Variants in PPP1R13B observed in about 807,000 individuals in gnomAD.
PPP1R13B encodes apoptosis-stimulating of p53 protein 1.
PPP1R13B carries 44 observed loss-of-function variants against 119.8 expected under a neutral mutation model. The ratio of observed to expected loss-of-function variants is 0.37; its 90% CI spans 0.29 to 0.47. PPP1R13B has a LOEUF of 0.47. Among genes scored for constraint, PPP1R13B ranks in the 20% least tolerant of loss-of-function variants. The pLI is 0.99. For synonymous variants in PPP1R13B, 542 were observed against 561.5 expected, an observed-to-expected ratio of 0.97 and a Z score of 0.49; for missense variants, 1,227 against 1,413.5, an observed-to-expected ratio of 0.87 and a Z score of 2.12.
chr14:103,786,070 T>TG (rs1313104448), intron 2 of PPP1R13B, among the ~76,000 whole-genome samples: 2 of 152,146 alleles, frequency 1.3e-5, no homozygotes, highest in African/African-American at 2.4e-5. Flanking sequence ...ACAAGGTCTT[T>TG]GCTCTGCCAC....
chr14:103,734,590 C>T lies in PPP1R13B; in HGVS notation c.*564G>A, dbSNP rs772553556. 3.7e-5 allele frequency: 17 copies of T among 456,402 alleles called. No homozygotes were observed. The highest frequency in any genetic ancestry group is 1.4e-4 in the East Asian group (2 of 14,412). The allele number at this position is 456,402 out of a possible 1,614,324, so 28.3% of individuals were successfully genotyped here. The stretch of plus-strand genomic sequence containing the variant: ...GGAACAGGAAGCGGAACCCCCAAGG[C>T]GGCCGAGCAGAGTGGGTACTGGGAG... On this transcript the variant is annotated 3_prime_UTR_variant, in exon 17 of 17. Coordinates refer to ENST00000202556, the MANE Select transcript of PPP1R13B (RefSeq NM_015316.3).
At chr14:103,739,108 G>A (rs1462535419) in intron 12 of PPP1R13B, 85 bp from the exon 13 acceptor site, 2 of 1,531,092 alleles carry the variant, frequency 1.3e-6, no homozygotes, top group Admixed American at 1.9e-5. Flanking sequence ...AGTGGTGGGA[G>A]CTAAAGCCCA....
At chr14:103,827,022 A>G (rs2086561663) in intron 1 of PPP1R13B, among the ~76,000 whole-genome samples, 1 of 146,422 alleles carries the variant, frequency 6.8e-6, no homozygotes, top group South Asian at 2.2e-4. Flanking sequence ...AAAAAAAAAA[A>G]GGCAAAAAAA....
intron 1 of PPP1R13B, among the ~76,000 whole-genome samples, chr14:103,808,799 TAAATA>T (rs1428044300): frequency 1.3e-5 from 2 of 152,290 alleles, no homozygotes; most frequent in East Asian, 1.9e-4. Flanking sequence ...TTTTTCTAAA[TAAATA>T]AGACTGTAGA....
intron 2 of PPP1R13B, among the ~76,000 whole-genome samples, chr14:103,791,016 A>G (rs1051579334): frequency 6.6e-6 from 1 of 152,212 alleles, no homozygotes; most frequent in Admixed American, 6.5e-5. Flanking sequence ...TCAAGGTATA[A>G]GTGATTGTAA....
At chr14:103,829,048 G>A (rs763935657) in intron 1 of PPP1R13B, among the ~76,000 whole-genome samples, 1 of 152,066 alleles carries the variant, frequency 6.6e-6, no homozygotes. Flanking sequence ...TATACTGACT[G>A]CAAAAAAAGA....
At chr14:103,825,991 C>T (rs567084699) in intron 1 of PPP1R13B, among the ~76,000 whole-genome samples, 1 of 151,992 alleles carries the variant, frequency 6.6e-6, no homozygotes, top group Non-Finnish European at 1.5e-5. Flanking sequence ...ATTACAGGTG[C>T]CCACCACCAG....
chr14:103,803,470 C>T (rs891210125), intron 1 of PPP1R13B, among the ~76,000 whole-genome samples: 47 of 152,044 alleles, frequency 3.1e-4, no homozygotes, highest in African/African-American at 1.1e-3. Context: ...AGTGAAACCC[C>T]ATCTCTATTA....
chr14:103,831,131 G>A (rs1286413302), intron 1 of PPP1R13B, among the ~76,000 whole-genome samples: 3 of 151,882 alleles, frequency 2.0e-5, no homozygotes, highest in African/African-American at 7.2e-5. Flanking sequence ...TTTTGGTAGA[G>A]ATGGGGTTTC....
chr14:103,735,784 G>A (rs755320725), intron 16 of PPP1R13B, among the ~76,000 whole-genome samples: 5 of 152,164 alleles, frequency 3.3e-5, no homozygotes, highest in South Asian at 4.1e-4. Context: ...CTCAGCCTCC[G>A]CACGGGCCTC....
At chr14:103,789,426 G>A (rs1839982762) in intron 2 of PPP1R13B, among the ~76,000 whole-genome samples, 1 of 151,980 alleles carries the variant, frequency 6.6e-6, no homozygotes, top group Non-Finnish European at 1.5e-5. Flanking sequence ...ACGTTGACCA[G>A]GCTGGTCTCA....
chr14:103,844,136 G>A (rs965907691), intron 1 of PPP1R13B, among the ~76,000 whole-genome samples: 21 of 151,858 alleles, frequency 1.4e-4, no homozygotes, highest in African/African-American at 1.9e-4. Context: ...TTGCCGTGGC[G>A]TGTGTCTGTG....
intron 3 of PPP1R13B, 49 bp downstream of exon 3, chr14:103,784,746 T>C: frequency 6.5e-7 from 1 of 1,539,232 alleles, no homozygotes; most frequent in Non-Finnish European, 8.9e-7. Flanking sequence ...TTTCTTAAAT[T>C]AACTTTCCTA....
At chr14:103,736,359 GC>G in intron 15 of PPP1R13B, 157 bp from the exon 16 acceptor site, 1 of 719,024 alleles carries the variant, frequency 1.4e-6, no homozygotes, top group Non-Finnish European at 2.3e-6. Context: ...GAAGACTAGG[GC>G]CCCCACCCGA....
Position 103,742,109 on chromosome 14 carries a change from G to A in PPP1R13B, c.1503C>T (p.Thr501=), listed in dbSNP as rs1353165463. The change falls in exon 11 of 17, where the codon ACC becomes ACT. Residue 501 remains threonine (T), a synonymous_variant. Coordinates refer to ENST00000202556, the MANE Select transcript of PPP1R13B (RefSeq NM_015316.3). The surrounding 1 kb of genome is among the most constrained non-coding windows in gnomAD (Gnocchi z 4.9). ...SAGLPSRQRP[T]LLPATGSTPQ... ...GGGTGCTGCCTGTGGCGGGCAGCAG[G>A]GTGGGCCTCTGTCGACTTGGCAGGC... 4 of 1,613,378 alleles carry A rather than the reference G, an allele frequency of 2.5e-6. No individual in the cohort carries two copies. In the African/African-American group the frequency reaches 5.3e-5, roughly 22 times the overall value.
chr14:103,841,729 TCTTA>T (rs1272650879), intron 1 of PPP1R13B, among the ~76,000 whole-genome samples: 1 of 152,220 alleles, frequency 6.6e-6, no homozygotes, highest in Non-Finnish European at 1.5e-5. Context: ...TTTACTGAGC[TCTTA>T]CTATCTGCTC....
intron 1 of PPP1R13B, among the ~76,000 whole-genome samples, chr14:103,826,831 A>C (rs111768460): frequency 0.091 from 13,819 of 151,046 alleles, 760 homozygotes; most frequent in African/African-American, 0.16. Context: ...ACAAGGTGAA[A>C]CCCTGTCTCT....
rs1033670727 is a variant in PPP1R13B, at chr14:103,778,161, C to G, written c.354+584G>C. 2.0e-5 allele frequency among the ~76,000 whole-genome samples: 3 copies of G among 151,726 alleles called. No individual in the cohort carries two copies. In the East Asian group the frequency reaches 5.8e-4, roughly 29 times the overall value. On this transcript the variant is annotated intron_variant, in intron 4 of 16. Transcript: ENST00000202556. ...TAGAAACAGGGTTTCACCATATTGG[C>G]CAGCCTGGTCTTGAACTCCTGACCT...
chr14:103,833,069 T>C (rs924229545), intron 1 of PPP1R13B, among the ~76,000 whole-genome samples: 5 of 152,190 alleles, frequency 3.3e-5, no homozygotes, highest in African/African-American at 1.2e-4. Context: ...ATGGTGATAA[T>C]GGTTGCTAAA....
Sources: gnomAD v4.1 joint callset for allele counts (sites outside exome capture counted in the v4.1 genomes callset) on GRCh38, gnomAD v4.1.1 for gene constraint, Gnocchi (gnomAD v3.1) non-coding constraint, MANE v1.5 for transcripts, NCBI Gene and HGNC (gene_info 2026-07-23, HGNC 2026-07-21) for gene names.